The following MTMR1 variants were observed in gnomAD, a reference collection of about 807,000 sequenced individuals.
MTMR1 encodes myotubularin related protein 1.
A neutral mutation model predicts 51.6 loss-of-function variants in MTMR1; 17 were observed. The ratio of observed to expected loss-of-function variants is 0.33; its 90% CI spans 0.23 to 0.49. MTMR1 has a LOEUF of 0.49. Ranked by LOEUF, MTMR1 falls within the 20% of genes least tolerant of loss-of-function variation. The pLI is 0.99. For synonymous variants in MTMR1, 201 were observed against 205.6 expected, an observed-to-expected ratio of 0.98 and a Z score of 0.19; for missense variants, 386 against 526.9, an observed-to-expected ratio of 0.73 and a Z score of 2.62.
At chrX:150,735,421 A>T (rs782104423) in intron 10 of MTMR1, 5 of 488,786 alleles carry the variant, frequency 1.0e-5, no homozygotes, top group Non-Finnish European at 1.8e-5. Flanking sequence ...TTCATAAGGG[A>T]TGTTAATCTG....
intron 14 of MTMR1, 104 bp from the exon 15 acceptor site, chrX:150,755,585 A>G (rs1211000095): frequency 8.2e-6 from 5 of 608,341 alleles, no homozygotes; most frequent in Admixed American, 4.9e-5. Flanking sequence ...TGAATTTTTC[A>G]GCGTTTGAAT....
chrX:150,756,741 C>G (rs2042914385), intron 15 of MTMR1, among the ~76,000 whole-genome samples: 1 of 112,408 alleles, frequency 8.9e-6, no homozygotes, highest in South Asian at 3.7e-4. Flanking sequence ...ACCCCTGCCT[C>G]CCAGGCTCAA....
At chrX:150,752,109 G>A (rs2148664912) in intron 14 of MTMR1, among the ~76,000 whole-genome samples, 1 of 109,437 alleles carries the variant, frequency 9.1e-6, no homozygotes, top group Admixed American at 9.8e-5. Context: ...GTAGAGACAG[G>A]GTTTCGCCAT....
intron 11 of MTMR1, 95 bp downstream of exon 11, chrX:150,736,875 G>T: frequency 1.2e-6 from 1 of 856,032 alleles, no homozygotes; most frequent in South Asian, 3.0e-5. Context: ...TTGGCTGTGT[G>T]CATGAACTTT....
chrX:150,718,165 A>G (rs993209584), intron 3 of MTMR1, among the ~76,000 whole-genome samples: 6 of 112,368 alleles, frequency 5.3e-5, no homozygotes, highest in African/African-American at 1.9e-4. Flanking sequence ...GGTTATTTTC[A>G]TTAGACTTCT....
At chrX:150,699,720 C>T (rs1236116450) in intron 2 of MTMR1, among the ~76,000 whole-genome samples, 2 of 111,988 alleles carry the variant, frequency 1.8e-5, no homozygotes, top group Non-Finnish European at 3.8e-5. Flanking sequence ...AAAACCCTTC[C>T]AGAATCTCAA....
chrX:150,726,382 C>T (rs782100418), intron 4 of MTMR1, among the ~76,000 whole-genome samples: 8 of 111,486 alleles, frequency 7.2e-5, no homozygotes, highest in Non-Finnish European at 1.1e-4. Flanking sequence ...AGTATAATGG[C>T]GATTTTTCTG....
chrX:150,727,588 G>A (rs892964028), intron 5 of MTMR1, 96 bp from the exon 6 acceptor site: 3 of 660,804 alleles, frequency 4.5e-6, no homozygotes, highest in Admixed American at 3.0e-5. Context: ...GAGGAAATGC[G>A]AAGTAAACAA....
intron 9 of MTMR1, among the ~76,000 whole-genome samples, chrX:150,731,924 T>C (rs1209214734): frequency 8.9e-6 from 1 of 112,130 alleles, no homozygotes; most frequent in Admixed American, 9.5e-5. Context: ...TATTACCAGT[T>C]GGCATTGCTG....
intron 4 of MTMR1, among the ~76,000 whole-genome samples, chrX:150,723,052 T>C (rs1467183417): frequency 3.9e-5 from 4 of 102,338 alleles, no homozygotes; most frequent in Non-Finnish European, 8.0e-5. Context: ...CCTTCCTGTG[T>C]CCATGTGTTC....
At chrX:150,708,411 A>G (rs2041190728) in intron 2 of MTMR1, among the ~76,000 whole-genome samples, 1 of 111,608 alleles carries the variant, frequency 9.0e-6, no homozygotes, top group African/African-American at 3.3e-5. Flanking sequence ...ATACTAAAAA[A>G]GATGTTAGAA....
At position 150,762,640 on chromosome X, in the gene MTMR1, C is replaced by A. The variant is rs782567674; in HGVS notation, c.1933C>A (p.Arg645=). ...GCAGAAGCGTGTGGAGGGCCTACAG[C>A]GGGAGGTGGCCACGCGCGCCGTCTC... ...ELQKRVEGLQ[R]EVATRAVSSS... Residue 645 remains arginine (R), a synonymous_variant, in exon 16 of 16, where the codon CGG becomes AGG. Transcript: ENST00000445323. The A allele has an allele frequency of 8.3e-7, 1 of 1,210,806 alleles. No individual in the cohort carries two copies. The highest frequency in any genetic ancestry group is 2.2e-5 in the Admixed American group (1 of 45,970).
At position 150,763,880 on chromosome X, in the gene MTMR1, C is replaced by T. The variant is rs538471453; in HGVS notation, c.*1151C>T. 8.9e-6 allele frequency: 1 copy of T among 112,469 alleles called. No individual in the cohort carries two copies. Among genetic ancestry groups the T allele is most frequent in the African/African-American group, 3.2e-5 (1 of 30,984 alleles). The allele number at this position is 112,469 out of a possible 1,213,427, so 9.3% of individuals were successfully genotyped here. On this transcript the variant is annotated 3_prime_UTR_variant, in exon 16 of 16. Coordinates refer to ENST00000445323, the MANE Select transcript of MTMR1 (RefSeq NM_001306144.3). ...CTGACTTTGAGCTCTGTGACTCCGTCGGTTCTCGCAGGAATTAACTAACTT... is the reference window on the plus strand; with the variant it reads ...CTGACTTTGAGCTCTGTGACTCCGTTGGTTCTCGCAGGAATTAACTAACTT...
At chrX:150,730,489 A>C in intron 7 of MTMR1, 36 bp from the exon 8 acceptor site, 1 of 950,349 alleles carries the variant, frequency 1.1e-6, no homozygotes. Flanking sequence ...ATAAAAAGAA[A>C]TAGTAACATA....
chrX:150,761,587 T>C (rs941542230), intron 15 of MTMR1, among the ~76,000 whole-genome samples: 1 of 112,739 alleles, frequency 8.9e-6, no homozygotes, highest in Non-Finnish European at 1.9e-5. Context: ...AAGTGGCCAG[T>C]CACATGGCCT....
intron 12 of MTMR1, 114 bp downstream of exon 12, chrX:150,737,562 T>G: frequency 1.7e-6 from 1 of 587,799 alleles, no homozygotes; most frequent in Non-Finnish European, 2.7e-6. Flanking sequence ...AGGCTTTCTC[T>G]TCTGTATCAT....
chrX:150,718,792 C>T (rs1246015418), intron 4 of MTMR1, 92 bp downstream of exon 4: 126 of 874,038 alleles, frequency 1.4e-4, no homozygotes, highest in South Asian at 7.0e-4. Context: ...GCTGGAGATC[C>T]GCCAGACCAA....
At chrX:150,761,589 A>G (rs182225389) in intron 15 of MTMR1, among the ~76,000 whole-genome samples, 1 of 112,935 alleles carries the variant, frequency 8.9e-6, no homozygotes, top group East Asian at 2.8e-4. Flanking sequence ...GTGGCCAGTC[A>G]CATGGCCTGG....
In MTMR1 at chrX:150,762,629, A is replaced by G; in HGVS notation, c.1922A>G (p.Glu641Gly). 8.3e-7 allele frequency: 1 copy of G among 1,211,273 alleles called. No individual in the cohort carries two copies. Among genetic ancestry groups the G allele is most frequent in the Non-Finnish European group, 1.1e-6 (1 of 895,231 alleles). ...AGGGCGGAGCTGCAGAAGCGTGTGG[A>G]GGGCCTACAGCGGGAGGTGGCCACG... Reference protein sequence around the residue: ...AVRAELQKRVEGLQREVATRA... With the variant: ...AVRAELQKRVGGLQREVATRA... Residue 641 changes from glutamate to glycine, a missense_variant, in exon 16 of 16, where the codon GAG becomes GGG. Physicochemically the swap from Glu to Gly is moderately conservative, Grantham distance 98. Coordinates refer to ENST00000445323, the MANE Select transcript of MTMR1 (RefSeq NM_001306144.3).
Sources: gnomAD v4.1 joint callset for allele counts (sites outside exome capture counted in the v4.1 genomes callset) on GRCh38, gnomAD v4.1.1 for gene constraint, MANE v1.5 for transcripts, NCBI Gene and HGNC (gene_info 2026-07-23, HGNC 2026-07-21) for gene names.